GOLM2: variants seen among roughly 807,000 people sequenced by gnomAD.
GOLM2 encodes the protein protein GOLM2.
In GOLM2, 26 loss-of-function variants were observed where a neutral mutation model predicts 55.9. The observed-to-expected ratio is 0.47, with a 90% CI of 0.34 to 0.65. The LOEUF (loss-of-function observed/expected upper bound fraction) is 0.65. GOLM2 is among the 30% of genes least tolerant of loss of function. The pLI is 0.01. For synonymous variants in GOLM2, 165 were observed against 194.6 expected (o/e 0.85, Z 1.27); for missense variants, 486 against 531.8 (o/e 0.91, Z 0.85).
At chr15:44,297,575 T>C (rs77044221) in intron 1 of GOLM2, among the ~76,000 whole-genome samples, 2 of 151,716 alleles carry the variant, frequency 1.3e-5, no homozygotes, top group African/African-American at 4.8e-5. Flanking sequence ...TTTTTTTTTT[T>C]AATTGAGGCA....
At chr15:44,366,321 A>T (rs1352380314) in intron 6 of GOLM2, among the ~76,000 whole-genome samples, 1 of 151,232 alleles carries the variant, frequency 6.6e-6, no homozygotes, top group Non-Finnish European at 1.5e-5. Context: ...AAAACAAAAC[A>T]AACAAACCAC....
chr15:44,362,850 G>A (rs1319032488), intron 6 of GOLM2, among the ~76,000 whole-genome samples: 1 of 152,172 alleles, frequency 6.6e-6, no homozygotes, highest in Non-Finnish European at 1.5e-5. Flanking sequence ...CAGAGATAGA[G>A]ATCAATGGAA....
chr15:44,341,563 T>C (rs1329558673), intron 6 of GOLM2, among the ~76,000 whole-genome samples: 3 of 152,150 alleles, frequency 2.0e-5, no homozygotes, highest in Non-Finnish European at 4.4e-5. Context: ...ATTAGGTATA[T>C]TGTCCTATCA....
At chr15:44,395,177 A>AT (rs755963732) in intron 8 of GOLM2, among the ~76,000 whole-genome samples, 6,952 of 136,480 alleles carry the variant, frequency 0.051, 260 homozygotes, top group East Asian at 0.2. Flanking sequence ...CGCCCGGCTA[A>AT]TTTTTTTTTT....
At chr15:44,297,274 G>A (rs2078762715) in intron 1 of GOLM2, among the ~76,000 whole-genome samples, 1 of 152,186 alleles carries the variant, frequency 6.6e-6, no homozygotes, top group African/African-American at 2.4e-5. Context: ...AAGCCAGCCT[G>A]AACTTCCTCA....
In GOLM2 at chr15:44,382,264, A is replaced by G. The variant is rs542576824; in HGVS notation, c.1072+1288A>G. ...AGAAGAGGTGTACAGTAAGAGCATA[A>G]CAAATAAAATATCTTAATTTGATCA... On this transcript the variant is annotated intron_variant, in intron 8 of 9. Coordinates refer to ENST00000299957, the MANE Select transcript of GOLM2 (RefSeq NM_138423.4). 4 of 152,230 alleles carry G rather than the reference A, an allele frequency of 2.6e-5. No individual in the cohort carries two copies. The East Asian group carries it at 7.7e-4, about 29-fold the overall frequency. The allele number at this position is 152,230 out of a possible 1,614,324, so 9.4% of individuals were successfully genotyped here.
chr15:44,386,455 A>T (rs1464093847), intron 8 of GOLM2, among the ~76,000 whole-genome samples: 1 of 152,220 alleles, frequency 6.6e-6, no homozygotes, highest in Non-Finnish European at 1.5e-5. Flanking sequence ...AAGTTTTGAA[A>T]TTGTGAATTA....
chr15:44,328,658 C>T lies in GOLM2; in HGVS notation c.383-27C>T, dbSNP rs758741752. ...AGCATTACAATGAGTGAACTTGATT[C>T]CTTTGGTTCTTACCTTGGGTGGATA... On this transcript the variant is annotated intron_variant, in intron 2 of 9. Transcript: ENST00000299957. 7 of 1,524,488 alleles carry T rather than the reference C, an allele frequency of 4.6e-6. No homozygotes were observed. In the South Asian group the frequency reaches 8.2e-5, roughly 18 times the overall value. 94.4% of individuals were successfully genotyped at this position (1,524,488 alleles called of 1,614,324 possible). A position where few individuals can be genotyped will look rare whatever the true frequency, so the allele number is the denominator to read the frequency against.
intron 6 of GOLM2, among the ~76,000 whole-genome samples, chr15:44,377,527 C>T (rs1424739634): frequency 6.6e-6 from 1 of 152,108 alleles, no homozygotes; most frequent in Admixed American, 6.5e-5. Context: ...TGTGCCACCA[C>T]GCCAGGCTGA....
intron 9 of GOLM2, chr15:44,406,650 A>C (rs1169081167): frequency 6.6e-6 from 1 of 152,206 alleles, no homozygotes; most frequent in Non-Finnish European, 1.5e-5. Context: ...AAATCCATGA[A>C]AGAAAGTAGA....
rs921731309 is a variant in GOLM2 at position 44,362,270 on chromosome 15, A to G, written c.803-17420A>G. On this transcript the variant is annotated intron_variant, in intron 6 of 9. Transcript: ENST00000299957. ...AGTCAAATTGTCCCTGTTTGCAGAC[A>G]ACATGATTGTATATCTAGAAAACCC... is the stretch of plus-strand genomic sequence containing the variant. 1.3e-4 allele frequency among the ~76,000 whole-genome samples: 19 copies of G among 147,280 alleles called. No homozygotes were observed. In the East Asian group the frequency reaches 2.5e-3, roughly 19 times the overall value.
chr15:44,376,315 C>T (rs2079364752), intron 6 of GOLM2, among the ~76,000 whole-genome samples: 1 of 152,052 alleles, frequency 6.6e-6, no homozygotes, highest in African/African-American at 2.4e-5. Context: ...CCTCTGTCAC[C>T]CAGGCTGGAG....
chr15:44,316,436 C>G (rs1211516191), intron 1 of GOLM2, among the ~76,000 whole-genome samples: 12 of 152,094 alleles, frequency 7.9e-5, no homozygotes, highest in Admixed American at 7.9e-4. Flanking sequence ...AATGAAGGCT[C>G]TCAGAGGAAG....
chr15:44,355,407 C>A (rs1006344565), intron 6 of GOLM2: 1 of 169,112 alleles, frequency 5.9e-6, no homozygotes, highest in South Asian at 1.3e-4. Flanking sequence ...ACCAATGTGT[C>A]AGTTGTGGAC....
At chr15:44,367,110 C>T (rs1434912062) in intron 6 of GOLM2, among the ~76,000 whole-genome samples, 2 of 151,886 alleles carry the variant, frequency 1.3e-5, no homozygotes, top group African/African-American at 2.4e-5. Flanking sequence ...TTTACTGAAA[C>T]ATAGACATAC....
At chr15:44,327,580 C>T (rs2078993181) in intron 2 of GOLM2, among the ~76,000 whole-genome samples, 1 of 150,826 alleles carries the variant, frequency 6.6e-6, no homozygotes, top group Admixed American at 6.6e-5. Flanking sequence ...GTTGCTTATA[C>T]AGTATAGGCC....
chr15:44,353,188 A>T (rs986300925), intron 6 of GOLM2, among the ~76,000 whole-genome samples: 1 of 152,200 alleles, frequency 6.6e-6, no homozygotes, highest in Non-Finnish European at 1.5e-5. Flanking sequence ...ATAATGAGAT[A>T]TGACTTTAGC....
At chr15:44,399,481 TC>T (rs2063011965) in intron 8 of GOLM2, among the ~76,000 whole-genome samples, 1 of 152,216 alleles carries the variant, frequency 6.6e-6, no homozygotes, top group Admixed American at 6.5e-5. Context: ...TATCTGAGTA[TC>T]TATGTAATTA....
At chr15:44,328,870 C>T in intron 3 of GOLM2, 83 bp downstream of exon 3, 2 of 864,520 alleles carry the variant, frequency 2.3e-6, no homozygotes, top group Non-Finnish European at 3.4e-6. Context: ...TTCTCTCTGA[C>T]TTTTGTTTCC....
Sources: gnomAD v4.1 joint callset for allele counts (sites outside exome capture counted in the v4.1 genomes callset) on GRCh38, gnomAD v4.1.1 for gene constraint, MANE v1.5 for transcripts, NCBI Gene and HGNC (gene_info 2026-07-23, HGNC 2026-07-21) for gene names.